Variants in NUMA1 observed in about 807,000 individuals in gnomAD.
The protein encoded by NUMA1 is nuclear mitotic apparatus protein 1, also known as SP-H antigen.
NUMA1 carries 62 observed loss-of-function variants against 237.1 expected under a neutral mutation model. The ratio of observed to expected loss-of-function variants is 0.26; its 90% confidence interval spans 0.21 to 0.32. The LOEUF is 0.32. Ranked by LOEUF, NUMA1 falls within the 10% of genes least tolerant of loss-of-function variation. The pLI is 1.00. For synonymous variants in NUMA1, 1,028 were observed against 1,066.1 expected (o/e 0.96, Z 0.70); for missense variants, 2,533 against 2,666.5 (o/e 0.95, Z 1.10).
intron 3 of NUMA1, 63 bp downstream of exon 3, chr11:72,035,839 T>A: frequency 1.3e-6 from 2 of 1,504,596 alleles, no homozygotes; most frequent in Non-Finnish European, 1.9e-6. Flanking sequence ...ACAAAACTCC[T>A]CTCCTAACTC....
At chr11:72,028,450 T>TAAAAA (rs11300189) in intron 4 of NUMA1, among the ~76,000 whole-genome samples, 6 of 75,400 alleles carry the variant, frequency 8.0e-5, no homozygotes, top group Admixed American at 1.7e-4. Context: ...TGCTTTTTCT[T>TAAAAA]AAAAAAAAAA....
chr11:72,075,740 TTG>T (rs1943675643), intron 1 of NUMA1, among the ~76,000 whole-genome samples: 1 of 152,246 alleles, frequency 6.6e-6, no homozygotes, highest in Non-Finnish European at 1.5e-5. Context: ...GTTCACTCTA[TTG>T]TGTGGTTTCT....
In NUMA1 at chr11:72,010,849, T is replaced by C. The variant is rs753259598; in HGVS notation, c.4656A>G (p.Glu1552=). 2.5e-6 allele frequency: 4 copies of C among 1,613,958 alleles called. No individual in the cohort carries two copies. The highest frequency in any genetic ancestry group is 2.5e-6 in the Non-Finnish European group (3 of 1,179,956). The change falls in exon 17 of 27, where the codon GAA becomes GAG. Residue 1552 remains glutamate, a synonymous_variant. Coordinates refer to ENST00000393695, the MANE Select transcript of NUMA1 (RefSeq NM_006185.4). ...AGTCAGCCAGTTTCTTACTCAGTTC[T>C]TCCACCTGGGGAGGGAAGAGGAGGA... is the stretch of plus-strand genomic sequence containing the variant. The part of the protein sequence containing the change: ...VFQREQTKQV[E]ELSKKLADSD...
At chr11:72,047,136 C>T (rs1942047089) in intron 2 of NUMA1, among the ~76,000 whole-genome samples, 1 of 151,950 alleles carries the variant, frequency 6.6e-6, no homozygotes. Flanking sequence ...CACATGCCAT[C>T]GCATCAGGAT....
At chr11:72,061,766 G>A (rs908058233) in intron 2 of NUMA1, among the ~76,000 whole-genome samples, 2 of 152,006 alleles carry the variant, frequency 1.3e-5, no homozygotes, top group African/African-American at 2.4e-5. Context: ...GGGATTATAG[G>A]CATGAGCCAC....
intron 3 of NUMA1, among the ~76,000 whole-genome samples, chr11:72,030,018 G>A (rs1940083118): frequency 6.6e-6 from 1 of 152,154 alleles, no homozygotes. Context: ...AAACAATAGG[G>A]GAACAAGATG....
At chr11:72,040,546 C>G (rs1255958715) in intron 2 of NUMA1, 1 of 155,934 alleles carries the variant, frequency 6.4e-6, no homozygotes, top group Non-Finnish European at 1.4e-5. Context: ...TTCACACACC[C>G]TGGTCCCTAT....
chr11:72,005,388 TGG>T lies in NUMA1; in HGVS notation c.5693-21_5693-20del. 1 of 1,600,174 alleles carries T rather than the reference TGG, an allele frequency of 6.2e-7. No individual in the cohort carries two copies. ...TTCCTTCCTGTGGAAGGCAGGGAAGTGGGAACAAATGAGCCTGGAGTCGGCAG... is the reference window on the plus strand; with the variant it reads ...TTCCTTCCTGTGGAAGGCAGGGAAGTGAACAAATGAGCCTGGAGTCGGCAG... On this transcript the variant is annotated intron_variant, in intron 22 of 26. Transcript: ENST00000393695.
At chr11:72,037,632 A>G (rs1195294079) in intron 2 of NUMA1, among the ~76,000 whole-genome samples, 4 of 152,240 alleles carry the variant, frequency 2.6e-5, no homozygotes, top group Admixed American at 2.6e-4. Context: ...ACATATGTGA[A>G]GCACTAACAG....
intron 2 of NUMA1, among the ~76,000 whole-genome samples, chr11:72,060,391 C>T (rs1287505674): frequency 6.6e-6 from 1 of 152,098 alleles, no homozygotes; most frequent in African/African-American, 2.4e-5. Flanking sequence ...AATCCCAGTG[C>T]TTTGGGAGGC....
chr11:72,011,624 AG>A, intron 16 of NUMA1, among the ~76,000 whole-genome samples: 1 of 152,142 alleles, frequency 6.6e-6, no homozygotes, highest in Non-Finnish European at 1.5e-5. Context: ...GGCTCCTTAG[AG>A]GAGGGCCCAA....
chr11:72,028,656 C>G (rs1422194188), intron 4 of NUMA1, among the ~76,000 whole-genome samples: 1 of 152,116 alleles, frequency 6.6e-6, no homozygotes, highest in Non-Finnish European at 1.5e-5. Context: ...GCTCATGGAC[C>G]TCAGAAATCA....
chr11:72,023,150 G>T lies in NUMA1; in HGVS notation c.209-3C>A. ...GGAAGAGGGATGTTTTCGATTTTCT[G>T]CAATGACAACAACGTAGAAAACAGG... On this transcript the variant is annotated splice_polypyrimidine_tract_variant and splice_region_variant and intron_variant, in intron 5 of 26. Coordinates refer to ENST00000393695, the MANE Select transcript of NUMA1 (RefSeq NM_006185.4). The T allele has an allele frequency of 6.2e-7, 1 of 1,610,018 alleles. No homozygotes were observed. Among genetic ancestry groups the T allele is most frequent in the Non-Finnish European group, 8.5e-7 (1 of 1,176,750 alleles).
In NUMA1 at chr11:72,016,249, CA is replaced by C; in HGVS notation, c.1253del (p.Leu418Ter). 1.3e-6 allele frequency: 2 copies of C among 1,595,286 alleles called. No homozygotes were observed. The highest frequency in any genetic ancestry group is 1.7e-6 in the Non-Finnish European group (2 of 1,166,606). ...CAGCAAGAGTGGCTGCCTCTTGCTT[CA>C]AGGTTTCCAGCTGGTGGTATAAAGA... is the stretch of plus-strand genomic sequence containing the variant. ...VLGDVLQLET[L>X]KQEAATLAAN... is the part of the protein sequence containing the mutation. On this transcript the variant is annotated frameshift_variant, in exon 15 of 27. Transcript: ENST00000393695. LOFTEE classifies it high-confidence loss of function.
chr11:72,008,576 A>G, intron 20 of NUMA1, 112 bp downstream of exon 20: 2 of 1,276,506 alleles, frequency 1.6e-6, no homozygotes, highest in Non-Finnish European at 2.3e-6. Context: ...GTTTTTCGTT[A>G]TTCTTCTCTA....
chr11:72,038,302 T>C (rs1354385374), intron 2 of NUMA1, among the ~76,000 whole-genome samples: 2 of 152,188 alleles, frequency 1.3e-5, no homozygotes, highest in African/African-American at 4.8e-5. Flanking sequence ...CAGGAGAGCC[T>C]GTCTAAAACT....
chr11:72,049,583 A>ATATATATATATATATATATT (rs71052844), intron 2 of NUMA1: 2 of 22,554 alleles, frequency 8.9e-5, no homozygotes, highest in Non-Finnish European at 3.4e-4. Flanking sequence ...ATATATATAT[A>ATATATATATATATATATATT]GTGTGTGTGT....
At chr11:72,012,474 G>GA in intron 15 of NUMA1, 32 bp from the exon 16 acceptor site, 1 of 1,606,428 alleles carries the variant, frequency 6.2e-7, no homozygotes, top group Non-Finnish European at 8.5e-7. Context: ...CAGAGACAGA[G>GA]TGAGATGAGG....
intron 17 of NUMA1, 113 bp downstream of exon 17, chr11:72,010,673 C>T (rs1956091173): frequency 2.0e-6 from 2 of 1,021,018 alleles, no homozygotes; most frequent in Admixed American, 2.1e-5. Context: ...AGGAGGGCTA[C>T]CTGGAATGCA....
Sources: gnomAD v4.1 joint callset for allele counts (sites outside exome capture counted in the v4.1 genomes callset) on GRCh38, gnomAD v4.1.1 for gene constraint, MANE v1.5 for transcripts, NCBI Gene and HGNC (gene_info 2026-07-23, HGNC 2026-07-21) for gene names.